The following SHANK2 variants were observed in gnomAD, a reference collection of about 807,000 sequenced individuals.
SHANK2 encodes SH3 and multiple ankyrin repeat domains 2, also known as SH3 and multiple ankyrin repeat domains protein 2.
In SHANK2, 43 loss-of-function variants were observed where a neutral mutation model predicts 133.7. That is an observed-to-expected ratio of 0.32 (90% CI 0.25 to 0.41). The LOEUF is 0.41. Ranked by LOEUF, SHANK2 falls within the 10% of genes least tolerant of loss-of-function variation. The pLI, the probability that SHANK2 is intolerant of heterozygous loss-of-function variation, is 1.00. For missense variants in SHANK2, 1,994 were observed against 2,235.8 expected (o/e 0.89, Z 2.18); for synonymous variants, 1,017 against 952.8 (o/e 1.07, Z -1.24).
At position 71,093,051 on chromosome 11, in the gene SHANK2, A is replaced by AGC. The variant is rs1555094441; in HGVS notation, c.745-463_745-462insGC. Among the ~76,000 whole-genome samples the AGC allele has an allele frequency of 2.7e-3, 194 of 70,594 alleles. 6 individuals are homozygous for AGC. The highest frequency in any genetic ancestry group is 7.1e-3 in the South Asian group (10 of 1,408). 46.3% of individuals were successfully genotyped at this position (70,594 alleles called of 152,430 possible). On this transcript the variant is annotated intron_variant, in intron 7 of 25. Transcript: ENST00000601538. ...GAGCAAAGCTCAGTCTCAAAAATAA[A>AGC]GGGGGGGGGGGGCAGGTATAACTTT...
intron 2 of SHANK2, among the ~76,000 whole-genome samples, chr11:71,169,772 A>AT (rs1335839750): frequency 6.6e-6 from 1 of 151,912 alleles, no homozygotes; most frequent in Admixed American, 6.6e-5. Context: ...AAAAAAAAAA[A>AT]AGAGAATGTG....
At chr11:70,703,722 T>C (rs1945595099) in intron 14 of SHANK2, among the ~76,000 whole-genome samples, 1 of 152,244 alleles carries the variant, frequency 6.6e-6, no homozygotes. Flanking sequence ...GGCTGTTTCC[T>C]GCCGCTGAGA....
chr11:70,762,228 G>T (rs1373942080), intron 14 of SHANK2, among the ~76,000 whole-genome samples: 3 of 152,158 alleles, frequency 2.0e-5, no homozygotes, highest in Non-Finnish European at 4.4e-5. Flanking sequence ...AAATTCTGTG[G>T]TTTTACAAAC....
chr11:70,586,712 C>A lies in SHANK2; in HGVS notation c.2061+73116G>T, dbSNP rs184959657. Reference sequence around the variant, plus strand: ...TCCTTCCCTTATTTATATCTCTTGACCCTTATCCTAGGGGAATGGCGAGGG... The same window carrying A: ...TCCTTCCCTTATTTATATCTCTTGAACCTTATCCTAGGGGAATGGCGAGGG... On this transcript the variant is annotated intron_variant, in intron 17 of 25. Coordinates refer to ENST00000601538, the MANE Select transcript of SHANK2 (RefSeq NM_012309.5). Among the ~76,000 whole-genome samples the A allele has an allele frequency of 1.5e-4, 23 of 152,310 alleles. No individual in the cohort carries two copies. In the East Asian group the frequency reaches 4.1e-3, roughly 27 times the overall value.
intron 2 of SHANK2, among the ~76,000 whole-genome samples, chr11:71,210,405 C>G (rs941122029): frequency 6.0e-5 from 9 of 150,760 alleles, no homozygotes; most frequent in Non-Finnish European, 1.2e-4. Flanking sequence ...CCCACCACCA[C>G]GCCCGGCTAA....
intron 11 of SHANK2, among the ~76,000 whole-genome samples, chr11:70,820,971 C>G (rs1948507535): frequency 6.6e-6 from 1 of 152,116 alleles, no homozygotes; most frequent in Non-Finnish European, 1.5e-5. Context: ...TCCATCTGGC[C>G]TGGGAGACGT....
chr11:70,526,246 T>A (rs1376401529), intron 17 of SHANK2, among the ~76,000 whole-genome samples: 2 of 152,182 alleles, frequency 1.3e-5, no homozygotes, highest in Non-Finnish European at 2.9e-5. Context: ...AACATTAATA[T>A]AATTGTAGCT....
At chr11:70,923,989 C>T (rs1950390689) in intron 10 of SHANK2, among the ~76,000 whole-genome samples, 1 of 152,234 alleles carries the variant, frequency 6.6e-6, no homozygotes, top group Admixed American at 6.5e-5. Flanking sequence ...TTGTGAGACA[C>T]TGCAGTGAGC....
chr11:70,588,963 G>T (rs899743660), intron 17 of SHANK2, among the ~76,000 whole-genome samples: 1 of 152,088 alleles, frequency 6.6e-6, no homozygotes, highest in Non-Finnish European at 1.5e-5. Context: ...GACTACAGGC[G>T]CCCGCCACCA....
chr11:70,717,258 C>T (rs1403106638), intron 14 of SHANK2, among the ~76,000 whole-genome samples: 1 of 152,148 alleles, frequency 6.6e-6, no homozygotes, highest in Non-Finnish European at 1.5e-5. Context: ...AGCCACAGCA[C>T]CTCATCATGC....
chr11:70,504,915 C>G (rs1015861482), intron 17 of SHANK2, among the ~76,000 whole-genome samples: 6 of 152,222 alleles, frequency 3.9e-5, no homozygotes, highest in African/African-American at 1.4e-4. Flanking sequence ...CGGGTAGTGG[C>G]TGTTGCTCAT....
chr11:70,875,329 T>C (rs1949541198), intron 11 of SHANK2, among the ~76,000 whole-genome samples: 1 of 151,866 alleles, frequency 6.6e-6, no homozygotes, highest in Non-Finnish European at 1.5e-5. Flanking sequence ...GCATTAATAT[T>C]GCATGTTTGG....
chr11:70,660,275 G>A (rs540890531), intron 16 of SHANK2, among the ~76,000 whole-genome samples: 40 of 152,224 alleles, frequency 2.6e-4, no homozygotes, highest in African/African-American at 8.4e-4. Context: ...AAACATTTTC[G>A]GTTCTAAAAA....
rs116496077 is a variant in SHANK2, at chr11:70,727,670, C to T, written c.1778-28907G>A. Among the ~76,000 whole-genome samples the T allele has an allele frequency of 9.3e-3, 1,422 of 152,236 alleles. 23 individuals carry two copies. Among genetic ancestry groups the T allele is most frequent in the African/African-American group, 0.032 (1,343 of 41,556 alleles). ...CTGCATTCCACATGGGGCAGGCATACGGTAAAAATGAGGTGGCCCATGTCA... is the reference window on the plus strand; with the variant it reads ...CTGCATTCCACATGGGGCAGGCATATGGTAAAAATGAGGTGGCCCATGTCA... On this transcript the variant is annotated intron_variant, in intron 14 of 25. Transcript: ENST00000601538.
intron 14 of SHANK2, among the ~76,000 whole-genome samples, chr11:70,704,167 G>A (rs868950627): frequency 2.6e-5 from 4 of 152,234 alleles, no homozygotes; most frequent in East Asian, 1.9e-4. Context: ...CCAGAGAGAC[G>A]GGCGACTGCC....
Position 71,141,121 on chromosome 11 carries a change from G to A in SHANK2, c.207+5999C>T, listed in dbSNP as rs1555105686. ...CTCCCGGGGCTGGCTGGCGTCCTAC[G>A]CCTTCCTCCACCTGCAGGTTACATG... On this transcript the variant is annotated intron_variant, in intron 3 of 25. Transcript: ENST00000601538. 3.3e-5 allele frequency among the ~76,000 whole-genome samples: 5 copies of A among 152,190 alleles called. No individual in the cohort carries two copies. In the East Asian group the frequency reaches 5.8e-4, roughly 18 times the overall value.
intron 14 of SHANK2, among the ~76,000 whole-genome samples, chr11:70,720,852 C>A (rs1198660): frequency 6.6e-6 from 1 of 152,156 alleles, no homozygotes; most frequent in Non-Finnish European, 1.5e-5. Context: ...TTCACACACA[C>A]GTACATGTAT....
rs1565516702 is a variant in SHANK2, at chr11:70,473,068, T to C, written c.5351A>G (p.His1784Arg). 6.2e-7 allele frequency: 1 copy of C among 1,614,152 alleles called. No homozygotes were observed. The highest frequency in any genetic ancestry group is 8.5e-7 in the Non-Finnish European group (1 of 1,180,018). Residue 1784 changes from histidine to arginine, a missense_variant, in exon 26 of 26, where the codon CAC becomes CGC. His to Arg is a conservative substitution (Grantham distance 29). This residue lies in a region of SHANK2 where 797 missense variants were observed against 907.4 expected (regional missense o/e 0.88). Coordinates refer to ENST00000601538, the MANE Select transcript of SHANK2 (RefSeq NM_012309.5). The surrounding 1 kb of genome is among the most constrained non-coding windows in gnomAD (Gnocchi z 5.9). ...SNKPFTTKPV[H>R]LWTKPDVADW... ...GGCCACATCTGGTTTAGTCCACAGGTGGACAGGTTTAGTTGTAAAAGGCTT... is the reference window on the plus strand; with the variant it reads ...GGCCACATCTGGTTTAGTCCACAGGCGGACAGGTTTAGTTGTAAAAGGCTT...
At chr11:70,483,584 G>A (rs541681815) in intron 25 of SHANK2, among the ~76,000 whole-genome samples, 5 of 149,736 alleles carry the variant, frequency 3.3e-5, no homozygotes, top group African/African-American at 9.9e-5. Flanking sequence ...GGTGGCATGC[G>A]TCTATTGTCC....
Sources: gnomAD v4.1 joint callset for allele counts (sites outside exome capture counted in the v4.1 genomes callset) on GRCh38, gnomAD v4.1.1 for gene constraint, gnomAD v4.1.1 regional missense constraint, Gnocchi (gnomAD v3.1) non-coding constraint, MANE v1.5 for transcripts, NCBI Gene and HGNC (gene_info 2026-07-23, HGNC 2026-07-21) for gene names.